DMP1: variants seen among roughly 807,000 people sequenced by gnomAD.
The protein encoded by DMP1 is dentin matrix protein 1.
A neutral mutation model predicts 14.6 loss-of-function variants in DMP1; 20 were observed. The ratio of observed to expected loss-of-function variants is 1.37; its 90% confidence interval spans 0.96 to 1.99. The LOEUF (loss-of-function observed/expected upper bound fraction) is 1.99, where lower values mean the gene tolerates loss of function less well. Among genes scored for constraint, DMP1 ranks in the 30% most tolerant of loss-of-function variants. The pLI, the probability that DMP1 is intolerant of heterozygous loss-of-function variation, is 0.00. For synonymous variants in DMP1, 197 were observed against 215.3 expected (o/e 0.91, Z 0.75); for missense variants, 567 against 620.5 (o/e 0.91, Z 0.92).
rs201413886 is a variant in DMP1, at chr4:87,662,487, A to G, written c.709A>G (p.Met237Val). The change falls in exon 6 of 6, where the codon ATG becomes GTG. Residue 237 changes from methionine to valine, a missense_variant. Met to Val is a conservative substitution (Grantham distance 21). Coordinates refer to ENST00000339673, the MANE Select transcript of DMP1 (RefSeq NM_004407.4). ...RGNSRMNSAG[M>V]KSKESGENSE... ...AAACTCCAGAATGAACAGTGCAGGCATGAAATCAAAAGAATCTGGAGAAAA... is the reference window on the plus strand; with the variant it reads ...AAACTCCAGAATGAACAGTGCAGGCGTGAAATCAAAAGAATCTGGAGAAAA... The G allele has an allele frequency of 2.5e-6, 4 of 1,614,220 alleles. No individual in the cohort carries two copies. The East Asian group carries it at 6.7e-5, about 27-fold the overall frequency.
Position 87,663,286 on chromosome 4 carries a change from A to C in DMP1, c.1508A>C (p.Asp503Ala), listed in dbSNP as rs1401319842. 3.7e-6 allele frequency: 6 copies of C among 1,614,142 alleles called. No homozygotes were observed. The highest frequency in any genetic ancestry group is 5.1e-6 in the Non-Finnish European group (6 of 1,180,046). ...VDAYHNKPIG[D>A]QDDNDCQDGY is the part of the protein sequence containing the mutation. ...GCCTATCACAACAAACCCATTGGGG[A>C]CCAAGATGACAATGACTGCCAAGAC... Residue 503 changes from aspartate to alanine, a missense_variant, in exon 6 of 6, where the codon GAC becomes GCC. By Grantham distance (126) the Asp-to-Ala change is moderately radical. Transcript: ENST00000339673.
intron 1 of DMP1, among the ~76,000 whole-genome samples, chr4:87,650,810 A>G (rs1728514923): frequency 1.3e-5 from 2 of 152,220 alleles, no homozygotes; most frequent in African/African-American, 2.4e-5. Context: ...AGGACTTTAA[A>G]AAGAATTTTT....
intron 3 of DMP1, among the ~76,000 whole-genome samples, chr4:87,657,989 T>G (rs1728747548): frequency 6.6e-6 from 1 of 152,200 alleles, no homozygotes; most frequent in Admixed American, 6.5e-5. Context: ...ATGAACTTTC[T>G]TCAGAGAAAT....
At chr4:87,656,972 T>C (rs1227031611) in intron 2 of DMP1, 60 bp from the exon 3 acceptor site, 1 of 1,043,466 alleles carries the variant, frequency 9.6e-7, no homozygotes, top group Non-Finnish European at 1.5e-6. Flanking sequence ...ATGAAATGTG[T>C]TAATAACTAT....
chr4:87,652,927 T>C (rs1728561505), intron 1 of DMP1, among the ~76,000 whole-genome samples: 1 of 151,736 alleles, frequency 6.6e-6, no homozygotes, highest in African/African-American at 2.4e-5. Flanking sequence ...TTTGAGAATA[T>C]CATATTTGAG....
chr4:87,662,211 C>G lies in DMP1; in HGVS notation c.433C>G (p.Gln145Glu). 1 of 1,611,588 alleles carries G rather than the reference C, an allele frequency of 6.2e-7. No homozygotes were observed. The highest frequency in any genetic ancestry group is 8.5e-7 in the Non-Finnish European group (1 of 1,179,560). Residue 145 changes from glutamine to glutamate, a missense_variant, in exon 6 of 6, where the codon CAA becomes GAA. Physicochemically the swap from Gln to Glu is conservative, Grantham distance 29. Coordinates refer to ENST00000339673, the MANE Select transcript of DMP1 (RefSeq NM_004407.4). ...TGATGAGGACTCTGATGACACCATA[C>G]AAGCCAGTGAAGAGAGTGCCCCACA... is the stretch of plus-strand genomic sequence containing the variant. ...GSDEDSDDTI[Q>E]ASEESAPQGQ...
chr4:87,661,377 T>A (rs1339732090), intron 5 of DMP1, among the ~76,000 whole-genome samples: 70 of 150,198 alleles, frequency 4.7e-4, no homozygotes, highest in South Asian at 2.8e-3. Context: ...GCCCGCCACC[T>A]CGCCCGGCTA....
At position 87,662,110 on chromosome 4, in the gene DMP1, A is replaced by G. The variant is rs1057060383; in HGVS notation, c.332A>G (p.Asp111Gly). The change falls in exon 6 of 6, where the codon GAT becomes GGT. Residue 111 changes from aspartate to glycine, a missense_variant. Physicochemically the swap from Asp to Gly is moderately conservative, Grantham distance 94. Coordinates refer to ENST00000339673, the MANE Select transcript of DMP1 (RefSeq NM_004407.4). ...GATGACGATGAAGATGACAGTGGAG[A>G]TGACACCTTTGGTGACGATGACAGT... ...DKDDDEDDSG[D>G]DTFGDDDSGP... is the part of the protein sequence containing the mutation. 5.6e-6 allele frequency: 9 copies of G among 1,614,098 alleles called. No individual in the cohort carries two copies. Among genetic ancestry groups the G allele is most frequent in the Non-Finnish European group, 6.8e-6 (8 of 1,180,058 alleles).
At chr4:87,656,964 GA>G in intron 2 of DMP1, 67 bp from the exon 3 acceptor site, 1 of 985,564 alleles carries the variant, frequency 1.0e-6, no homozygotes, top group South Asian at 1.3e-5. Context: ...TCCTATGTAT[GA>G]AATGTGTTAA....
chr4:87,654,440 G>C (rs1728628500), intron 1 of DMP1, among the ~76,000 whole-genome samples: 1 of 152,124 alleles, frequency 6.6e-6, no homozygotes, highest in South Asian at 2.1e-4. Context: ...TCCTATACCA[G>C]TAAACTATTG....
In DMP1 at chr4:87,662,008, G is replaced by T. The variant is rs754199666; in HGVS notation, c.230G>T (p.Gly77Val). 1.2e-6 allele frequency: 2 copies of T among 1,614,182 alleles called. No homozygotes were observed. The highest frequency in any genetic ancestry group is 1.7e-6 in the Non-Finnish European group (2 of 1,180,048). The change falls in exon 6 of 6, where the codon GGC (glycine) becomes GTC (valine). Residue 77 changes from glycine to valine, a missense_variant. Gly to Val is a moderately radical substitution (Grantham distance 109, BLOSUM62 -3). Coordinates refer to ENST00000339673, the MANE Select transcript of DMP1 (RefSeq NM_004407.4). ...AGCACTCAGTCAGAGGAGGGCCTGG[G>T]CTCTGATGATCATCAATACATTTAT... ...SDSTQSEEGL[G>V]SDDHQYIYRL...
chr4:87,658,972 T>C (rs1296736145), intron 3 of DMP1: 2 of 548,388 alleles, frequency 3.6e-6, no homozygotes, highest in Admixed American at 3.3e-5. Flanking sequence ...CATATTTATT[T>C]CTGTAAATGA....
chr4:87,661,991 G>A lies in DMP1; in HGVS notation c.213G>A (p.Gln71=), dbSNP rs1728902731. 6.2e-7 allele frequency: 1 copy of A among 1,614,198 alleles called. No homozygotes were observed. The highest frequency in any genetic ancestry group is 8.5e-7 in the Non-Finnish European group (1 of 1,180,030). ...QANEDPSDST[Q]SEEGLGSDDH... is the part of the protein sequence containing the mutation. ...ATGAAGACCCCAGTGACAGCACTCA[G>A]TCAGAGGAGGGCCTGGGCTCTGATG... The change falls in exon 6 of 6, where the codon CAG becomes CAA. Residue 71 remains glutamine (Q), a synonymous_variant. Coordinates refer to ENST00000339673, the MANE Select transcript of DMP1 (RefSeq NM_004407.4).
chr4:87,655,453 C>T (rs1728659687), intron 1 of DMP1, among the ~76,000 whole-genome samples: 1 of 152,122 alleles, frequency 6.6e-6, no homozygotes, highest in African/African-American at 2.4e-5. Context: ...CTGTAATCTT[C>T]CCCAAATCCT....
At chr4:87,661,938 A>G (rs755071028) in intron 5 of DMP1, 24 bp from the exon 6 acceptor site, 23 of 1,614,050 alleles carry the variant, frequency 1.4e-5, no homozygotes, top group Middle Eastern at 1.6e-4. Flanking sequence ...AATACTGACC[A>G]TATCTGTTAA....
At chr4:87,651,823 G>A (rs1408744354) in intron 1 of DMP1, among the ~76,000 whole-genome samples, 1 of 151,942 alleles carries the variant, frequency 6.6e-6, no homozygotes, top group African/African-American at 2.4e-5. Flanking sequence ...ATGATGAATT[G>A]TTTTCCAAAA....
chr4:87,650,636 A>T (rs1179896747), intron 1 of DMP1, among the ~76,000 whole-genome samples: 1 of 152,176 alleles, frequency 6.6e-6, no homozygotes, highest in Non-Finnish European at 1.5e-5. Flanking sequence ...TCTGCATGAC[A>T]CTTCTAAAAG....
chr4:87,661,488 C>T lies in DMP1; in HGVS notation c.184-474C>T, dbSNP rs561919761. Among the ~76,000 whole-genome samples, 11 of 151,902 alleles carry T rather than the reference C, an allele frequency of 7.2e-5. No individual in the cohort carries two copies. In the South Asian group the frequency reaches 2.3e-3, roughly 32 times the overall value. On this transcript the variant is annotated intron_variant, in intron 5 of 5. Coordinates refer to ENST00000339673, the MANE Select transcript of DMP1 (RefSeq NM_004407.4). Reference sequence around the variant, plus strand: ...CCGCCCGCCTCGGCCTCCCAAAGTGCTGGGATTACAGGCGTGAGCCACCGC... The same window carrying T: ...CCGCCCGCCTCGGCCTCCCAAAGTGTTGGGATTACAGGCGTGAGCCACCGC...
chr4:87,659,223 C>T lies in DMP1; in HGVS notation c.106C>T (p.His36Tyr), dbSNP rs1361756058. Residue 36 changes from histidine to tyrosine, a missense_variant, in exon 4 of 6, where the codon CAT (histidine) becomes TAT (tyrosine). Coordinates refer to ENST00000339673, the MANE Select transcript of DMP1 (RefSeq NM_004407.4). ...ESEDSEEWKG[H>Y]LAQAPTPPLE... The stretch of plus-strand genomic sequence containing the variant: ...TCCTTCCTTTCCTTTTTTGCAGGGT[C>T]ATTTGGCTCAGGCACCAACACCACC... 2 of 1,613,842 alleles carry T rather than the reference C, an allele frequency of 1.2e-6. No homozygotes were observed. Among genetic ancestry groups the T allele is most frequent in the African/African-American group, 1.3e-5 (1 of 74,972 alleles).
Sources: gnomAD v4.1 joint callset for allele counts (sites outside exome capture counted in the v4.1 genomes callset) on GRCh38, gnomAD v4.1.1 for gene constraint, MANE v1.5 for transcripts, NCBI Gene and HGNC (gene_info 2026-07-23, HGNC 2026-07-21) for gene names.